TRAK2: variants seen among roughly 807,000 people sequenced by gnomAD.
The protein encoded by TRAK2 is trafficking kinesin protein 2, also known as trafficking kinesin-binding protein 2.
In TRAK2, 81 loss-of-function variants were observed where a neutral mutation model predicts 104.6. That is an observed-to-expected ratio of 0.77 (90% CI 0.65 to 0.93). The LOEUF is 0.93. TRAK2 is among the 40% of genes least tolerant of loss of function. The pLI is 0.00. For synonymous variants in TRAK2, 406 were observed against 394.4 expected (o/e 1.03, Z -0.35); for missense variants, 1,002 against 1,089.0 (o/e 0.92, Z 1.12).
At chr2:201,449,480 CTTTTT>C (rs3083385) in intron 1 of TRAK2, among the ~76,000 whole-genome samples, 5 of 98,092 alleles carry the variant, frequency 5.1e-5, no homozygotes, top group African/African-American at 1.2e-4. Context: ...AATGTTGGTT[CTTTTT>C]TTTTTTTTTT....
At chr2:201,411,153 ATATT>A in intron 2 of TRAK2, 1 of 772,124 alleles carries the variant, frequency 1.3e-6, no homozygotes. Context: ...CAAAGATGAC[ATATT>A]ATCCATCAAT....
At chr2:201,404,161 C>T (rs1373740783) in intron 3 of TRAK2, among the ~76,000 whole-genome samples, 1 of 152,158 alleles carries the variant, frequency 6.6e-6, no homozygotes, top group East Asian at 1.9e-4. Flanking sequence ...TAATTAAATG[C>T]TTCAAAAACC....
intron 1 of TRAK2, among the ~76,000 whole-genome samples, chr2:201,425,253 C>A (rs1951777948): frequency 6.6e-6 from 1 of 152,184 alleles, no homozygotes; most frequent in African/African-American, 2.4e-5. Flanking sequence ...CCTAGATTAA[C>A]TTCTTAAAAA....
At position 201,389,358 on chromosome 2, in the gene TRAK2, G is replaced by A; in HGVS notation, c.1339C>T (p.Gln447Ter). Reference protein sequence around the residue: ...MTAKPFESGLQQTEDKSLLNQ... With the variant: ...MTAKPFESGL ...AGGAGTGATTTGTCCTCTGTTTGCT[G>A]AAGACCAGACTCAAAAGGTTTTGCT... The change falls in exon 12 of 16, where the codon CAG (glutamine) becomes TAG (stop). Residue 447 changes from glutamine to a stop codon, truncating the protein, a stop_gained. Transcript: ENST00000332624. LOFTEE classifies it high-confidence loss of function. The A allele has an allele frequency of 6.2e-7, 1 of 1,614,156 alleles. No homozygotes were observed. Among genetic ancestry groups the A allele is most frequent in the Non-Finnish European group, 8.5e-7 (1 of 1,180,038 alleles).
At chr2:201,392,774 A>G in intron 10 of TRAK2, 135 bp downstream of exon 10, 3 of 818,454 alleles carry the variant, frequency 3.7e-6, no homozygotes, top group Non-Finnish European at 5.5e-6. Flanking sequence ...GGCCTAAATC[A>G]ATAATTGGAG....
intron 2 of TRAK2, among the ~76,000 whole-genome samples, chr2:201,418,391 G>A (rs770513743): frequency 4.1e-4 from 62 of 152,150 alleles, no homozygotes; most frequent in Non-Finnish European, 7.4e-4. Context: ...GCGCAGGCTG[G>A]TCTTGAACTC....
At chr2:201,392,838 A>C in intron 10 of TRAK2, 71 bp downstream of exon 10, 1 of 1,466,042 alleles carries the variant, frequency 6.8e-7, no homozygotes, top group Non-Finnish European at 9.2e-7. Context: ...ATCATAAACC[A>C]TCAAACTTTT....
rs369720704 is a variant in TRAK2 at position 201,420,541 on chromosome 2, A to G, written c.-34T>C. Reference sequence around the variant, plus strand: ...CTTTCTTGCTTTGGTTGAGAAGGACAGCTTTGGTATGAATCAGAGTAAAGG... The same window carrying G: ...CTTTCTTGCTTTGGTTGAGAAGGACGGCTTTGGTATGAATCAGAGTAAAGG... On this transcript the variant is annotated 5_prime_UTR_variant, in exon 2 of 16. Coordinates refer to ENST00000332624, the MANE Select transcript of TRAK2 (RefSeq NM_015049.3). 45 of 1,549,280 alleles carry G rather than the reference A, an allele frequency of 2.9e-5. No homozygotes were observed. The highest frequency in any genetic ancestry group is 3.8e-5 in the Non-Finnish European group (43 of 1,121,534).
At chr2:201,401,175 A>C (rs1951547876) in intron 3 of TRAK2, 81 bp from the exon 4 acceptor site, 8 of 845,346 alleles carry the variant, frequency 9.5e-6, no homozygotes, top group Non-Finnish European at 1.4e-5. Context: ...GAGAGATAAC[A>C]ACAACAAAAA....
chr2:201,427,395 CCTAA>C (rs567603542), intron 1 of TRAK2, among the ~76,000 whole-genome samples: 4 of 147,260 alleles, frequency 2.7e-5, no homozygotes, highest in Admixed American at 2.1e-4. Flanking sequence ...TTGTTCAATT[CCTAA>C]CTATGAGTGA....
At chr2:201,413,066 A>G (rs1052981308) in intron 2 of TRAK2, 2 of 847,982 alleles carry the variant, frequency 2.4e-6, no homozygotes, top group Non-Finnish European at 4.0e-6. Context: ...TAGAGAATCA[A>G]TTATTTGATC....
chr2:201,390,609 A>T (rs978159213), intron 10 of TRAK2, among the ~76,000 whole-genome samples: 6 of 151,414 alleles, frequency 4.0e-5, no homozygotes, highest in African/African-American at 1.5e-4. Flanking sequence ...AACAAAAAAC[A>T]ATGTATAGCT....
At chr2:201,400,989 T>G in intron 4 of TRAK2, 29 bp downstream of exon 4, 1 of 1,571,988 alleles carries the variant, frequency 6.4e-7, no homozygotes, top group East Asian at 2.2e-5. Flanking sequence ...TTTACCTTTT[T>G]GTACTGGAGA....
chr2:201,437,582 T>A (rs1951888372), intron 1 of TRAK2, among the ~76,000 whole-genome samples: 1 of 152,210 alleles, frequency 6.6e-6, no homozygotes, highest in African/African-American at 2.4e-5. Flanking sequence ...ATTCACCTGA[T>A]CAGCAGAGCC....
intron 1 of TRAK2, among the ~76,000 whole-genome samples, chr2:201,424,967 G>A (rs978345877): frequency 6.6e-6 from 1 of 152,140 alleles, no homozygotes; most frequent in African/African-American, 2.4e-5. Context: ...CAAATGGCTG[G>A]AAGGCAAAGA....
intron 9 of TRAK2, among the ~76,000 whole-genome samples, chr2:201,393,746 G>T (rs12468504): frequency 0.57 from 86,642 of 151,834 alleles, 25,989 homozygotes; most frequent in South Asian, 0.69. Flanking sequence ...GCTCTCCGAG[G>T]TGATTCTTTC....
chr2:201,402,786 C>G (rs1951560487), intron 3 of TRAK2, among the ~76,000 whole-genome samples: 1 of 152,032 alleles, frequency 6.6e-6, no homozygotes, highest in Non-Finnish European at 1.5e-5. Context: ...GTTGTAAACC[C>G]AAATGTAATA....
chr2:201,399,265 G>C (rs1313717508), intron 5 of TRAK2, 112 bp downstream of exon 5: 2 of 664,884 alleles, frequency 3.0e-6, no homozygotes, highest in African/African-American at 1.8e-5. Flanking sequence ...AAGTGAACAA[G>C]TACTGGTGTT....
chr2:201,388,258 T>C (rs1167763883), intron 12 of TRAK2, among the ~76,000 whole-genome samples: 1 of 152,222 alleles, frequency 6.6e-6, no homozygotes, highest in Non-Finnish European at 1.5e-5. Context: ...ATTTTCTATT[T>C]CATTTAATTT....
Sources: allele counts gnomAD v4.1 joint callset (sites outside exome capture counted in the v4.1 genomes callset), GRCh38; gene constraint gnomAD v4.1.1; transcripts MANE v1.5; gene names NCBI Gene and HGNC (gene_info 2026-07-23, HGNC 2026-07-21).